Variants in TAF1 observed in about 807,000 individuals in gnomAD.
TAF1 encodes transcription initiation factor TFIID subunit 1.
In TAF1, 2 loss-of-function variants were observed where a neutral mutation model predicts 138.5. The observed-to-expected ratio is 0.01, with a 90% CI of 0.01 to 0.05. The LOEUF (loss-of-function observed/expected upper bound fraction) is 0.05, where lower values mean the gene tolerates loss of function less well. TAF1 is among the 10% of genes least tolerant of loss of function. The pLI is 1.00. For missense variants in TAF1, 709 were observed against 1,478.0 expected (o/e 0.48, Z 8.53); for synonymous variants, 437 against 503.2 (o/e 0.87, Z 1.76).
intron 3 of TAF1, among the ~76,000 whole-genome samples, chrX:71,374,603 C>T (rs974116043): frequency 2.7e-5 from 3 of 110,560 alleles, no homozygotes; most frequent in Admixed American, 9.7e-5. Context: ...TGTGCCACCA[C>T]GCCTAGCTAA....
chrX:71,475,740 T>C (rs1262883658), intron 13 of TAF1, among the ~76,000 whole-genome samples: 1 of 111,488 alleles, frequency 9.0e-6, no homozygotes, highest in Non-Finnish European at 1.9e-5. Context: ...CTCAATATAG[T>C]AAACATGTTG....
At chrX:71,528,889 C>T (rs992585278) in intron 14 of TAF1, among the ~76,000 whole-genome samples, 1 of 111,554 alleles carries the variant, frequency 9.0e-6, no homozygotes, top group African/African-American at 3.3e-5. Context: ...TATTTGTCCC[C>T]GCCCACATCC....
At chrX:71,395,806 T>C (rs781099537) in intron 22 of TAF1, among the ~76,000 whole-genome samples, 4 of 111,467 alleles carry the variant, frequency 3.6e-5, no homozygotes, top group African/African-American at 6.5e-5. Context: ...AGTATCTGTA[T>C]CATTTGGGAA....
chrX:71,419,239 A>G (rs1405895724), intron 28 of TAF1, among the ~76,000 whole-genome samples: 5 of 111,195 alleles, frequency 4.5e-5, no homozygotes, highest in African/African-American at 1.6e-4. Context: ...TTGTATTTTC[A>G]AAAACAACTT....
chrX:71,398,746 A>G lies in TAF1; in HGVS notation c.3786+9A>G, dbSNP rs369924596. On this transcript the variant is annotated intron_variant, in intron 24 of 37. Transcript: ENST00000423759. ...AGCGTCCTGACCTAAAAGTAAGTAT[A>G]ATGTGGTGTGATTACAGCTAACGGA... 1.7e-6 allele frequency: 2 copies of G among 1,185,747 alleles called. No homozygotes were observed. The highest frequency in any genetic ancestry group is 2.3e-6 in the Non-Finnish European group (2 of 886,023).
chrX:71,459,470 A>C, intron 35 of TAF1, 82 bp from the exon 36 acceptor site: 2 of 549,437 alleles, frequency 3.6e-6, no homozygotes, highest in South Asian at 3.6e-5. Flanking sequence ...CGGGGCGGGG[A>C]GGGGGGGTGT....
At chrX:71,445,298 CAAAAAAAA>C (rs41356545) in intron 32 of TAF1, among the ~76,000 whole-genome samples, 1 of 36,974 alleles carries the variant, frequency 2.7e-5, no homozygotes, top group African/African-American at 1.1e-4. Flanking sequence ...AGACTCATCT[CAAAAAAAA>C]AAAAAAAAAA....
At chrX:71,478,646 C>T (rs192695634) in intron 13 of TAF1, among the ~76,000 whole-genome samples, 2 of 111,558 alleles carry the variant, frequency 1.8e-5, no homozygotes, top group African/African-American at 6.5e-5. Flanking sequence ...CTTGAGTCCA[C>T]GAGTTTGAGA....
intron 3 of TAF1, among the ~76,000 whole-genome samples, chrX:71,374,207 C>T (rs2033306168): frequency 9.1e-6 from 1 of 110,355 alleles, no homozygotes; most frequent in Non-Finnish European, 1.9e-5. Flanking sequence ...CTCAGCCTCC[C>T]AAGTAGCTGG....
At chrX:71,466,644 C>T (rs759367702), downstream of TAF1, 2 of 112,450 alleles carry the variant, frequency 1.8e-5, no homozygotes, top group Admixed American at 1.9e-4. Context: ...TCTCAAAGTG[C>T]TGGGATTACA....
At chrX:71,409,058 C>T (rs2035631859) in intron 28 of TAF1, among the ~76,000 whole-genome samples, 1 of 110,383 alleles carries the variant, frequency 9.1e-6, no homozygotes, top group Non-Finnish European at 1.9e-5. Flanking sequence ...GTGGATGGAA[C>T]CTGTGTAGAG....
chrX:71,374,382 C>T (rs2033319424), intron 3 of TAF1, among the ~76,000 whole-genome samples: 1 of 111,778 alleles, frequency 8.9e-6, no homozygotes, highest in African/African-American at 3.3e-5. Flanking sequence ...GCCATCATAT[C>T]TTGTGTGAGA....
chrX:71,514,285 A>T (rs184622857), intron 13 of TAF1, among the ~76,000 whole-genome samples: 1 of 109,571 alleles, frequency 9.1e-6, no homozygotes, highest in Admixed American at 9.8e-5. Context: ...GTGCCTTTGC[A>T]CTCTAGCCTG....
chrX:71,369,331 T>C (rs2032839581), intron 3 of TAF1, among the ~76,000 whole-genome samples: 1 of 111,692 alleles, frequency 9.0e-6, no homozygotes, highest in Admixed American at 9.6e-5. Flanking sequence ...CTTGCAAATA[T>C]GTTTTTTTCC....
chrX:71,397,173 A>G (rs2034903466), intron 22 of TAF1, 80 bp from the exon 23 acceptor site: 1 of 1,031,537 alleles, frequency 9.7e-7, no homozygotes, highest in Admixed American at 2.7e-5. Context: ...TTGAACTTTG[A>G]TAGCTCCACT....
intron 13 of TAF1, among the ~76,000 whole-genome samples, chrX:71,493,815 C>G (rs972290083): frequency 1.8e-5 from 2 of 110,239 alleles, no homozygotes; most frequent in Non-Finnish European, 3.8e-5. Context: ...AGACCTCCAC[C>G]TCCACCCCCA....
intron 32 of TAF1, among the ~76,000 whole-genome samples, chrX:71,448,820 C>CTTT (rs760089481): frequency 1.1e-5 from 1 of 92,440 alleles, no homozygotes; most frequent in Non-Finnish European, 2.2e-5. Flanking sequence ...TTTTCTTTTT[C>CTTT]TTTTTTTTTT....
chrX:71,463,769 TG>T, intron 37 of TAF1, 54 bp from the exon 38 acceptor site: 1 of 1,124,419 alleles, frequency 8.9e-7, no homozygotes, highest in Non-Finnish European at 1.2e-6. Flanking sequence ...AGAATGGGAA[TG>T]GTCAGGTAGA....
chrX:71,378,223 C>G lies in TAF1; in HGVS notation c.934-12C>G. 8.3e-7 allele frequency: 1 copy of G among 1,208,990 alleles called. No homozygotes were observed. Among genetic ancestry groups the G allele is most frequent in the Non-Finnish European group, 1.1e-6 (1 of 893,068 alleles). On this transcript the variant is annotated splice_polypyrimidine_tract_variant and intron_variant, in intron 6 of 37. Transcript: ENST00000423759. ...GAAATTCTCCCTGCTCTACTTCTTT[C>G]TTCTGTTACAGATCACGATGATGGC...
Sources: allele counts gnomAD v4.1 joint callset (sites outside exome capture counted in the v4.1 genomes callset), GRCh38; gene constraint gnomAD v4.1.1; transcripts MANE v1.5; gene names NCBI Gene and HGNC (gene_info 2026-07-23, HGNC 2026-07-21).